Variants in DNAH9 observed in about 807,000 individuals in gnomAD.
DNAH9 encodes DNAH9 variant protein.
A neutral mutation model predicts 471.6 loss-of-function variants in DNAH9; 345 were observed. The observed-to-expected ratio is 0.73, with a 90% CI of 0.67 to 0.80. DNAH9 has a LOEUF of 0.80. Among genes scored for constraint, DNAH9 ranks in the 30% least tolerant of loss-of-function variants. The probability of loss-of-function intolerance (pLI) is 0.00; values close to 1 mark genes in which losing one functional copy is unlikely to be tolerated. For synonymous variants in DNAH9, 2,093 were observed against 2,123.6 expected, an observed-to-expected ratio of 0.99 and a Z score of 0.40; for missense variants, 5,407 against 5,609.2, an observed-to-expected ratio of 0.96 and a Z score of 1.15.
chr17:11,620,906 A>AAAT (rs1213890912), intron 6 of DNAH9, among the ~76,000 whole-genome samples: 1 of 152,204 alleles, frequency 6.6e-6, no homozygotes, highest in African/African-American at 2.4e-5. Flanking sequence ...ATTTAAAAAT[A>AAAT]AATATGGATT....
intron 50 of DNAH9, among the ~76,000 whole-genome samples, chr17:11,864,041 A>C (rs1971954032): frequency 6.6e-6 from 1 of 150,866 alleles, no homozygotes; most frequent in African/African-American, 2.4e-5. Flanking sequence ...CTCTGATTTT[A>C]GTTATTTCTT....
chr17:11,639,780 C>T (rs1179490184), intron 9 of DNAH9, among the ~76,000 whole-genome samples: 1 of 152,048 alleles, frequency 6.6e-6, no homozygotes, highest in Non-Finnish European at 1.5e-5. Context: ...GGGATTGAGG[C>T]GGGTGGATCA....
chr17:11,883,377 T>C (rs1290715876), intron 55 of DNAH9, among the ~76,000 whole-genome samples: 1 of 152,046 alleles, frequency 6.6e-6, no homozygotes, highest in Non-Finnish European at 1.5e-5. Flanking sequence ...GTAAAGAGGG[T>C]AAACTGGCTC....
At position 11,632,118 on chromosome 17, in the gene DNAH9, T is replaced by G. The variant is rs556102826; in HGVS notation, c.1519-469T>G. On this transcript the variant is annotated intron_variant, in intron 7 of 68. Coordinates refer to ENST00000262442, the MANE Select transcript of DNAH9 (RefSeq NM_001372.4). ...AGAAGGATTTAGAAGAAATTGTTTG[T>G]ATTAGTTTAATTAGCTTTCTTTCCT... Among the ~76,000 whole-genome samples, 46 of 152,372 alleles carry G rather than the reference T, an allele frequency of 3.0e-4. No individual in the cohort carries two copies. The South Asian group carries it at 9.3e-3, about 31-fold the overall frequency.
chr17:11,822,404 C>G, intron 46 of DNAH9, 34 bp from the exon 47 acceptor site: 1 of 1,612,632 alleles, frequency 6.2e-7, no homozygotes, highest in Non-Finnish European at 8.5e-7. Flanking sequence ...TCTCTGATGC[C>G]TTCCTGGTTC....
At chr17:11,737,215 C>A (rs149327008) in intron 28 of DNAH9, among the ~76,000 whole-genome samples, 237 of 152,310 alleles carry the variant, frequency 1.6e-3, no homozygotes, top group African/African-American at 5.2e-3. Context: ...CAGTCATTAG[C>A]GCTTCACTCT....
intron 44 of DNAH9, 137 bp from the exon 45 acceptor site, chr17:11,810,109 C>G (rs1969835224): frequency 2.8e-6 from 3 of 1,090,470 alleles, no homozygotes; most frequent in South Asian, 3.4e-5. Flanking sequence ...TAGCCCTCCC[C>G]CAGCTTCCCA....
At chr17:11,628,620 A>G (rs2073011090) in intron 6 of DNAH9, among the ~76,000 whole-genome samples, 1 of 152,226 alleles carries the variant, frequency 6.6e-6, no homozygotes, top group Admixed American at 6.5e-5. Context: ...GACAAGTTGC[A>G]AAGAAGGCCG....
chr17:11,716,080 C>CTT (rs2074956110), intron 26 of DNAH9, among the ~76,000 whole-genome samples: 1 of 137,874 alleles, frequency 7.3e-6, no homozygotes, highest in African/African-American at 3.0e-5. Flanking sequence ...CTTTTTCTTT[C>CTT]TCTTTTTTTT....
rs115671699 is a variant in DNAH9 at position 11,925,063 on chromosome 17, T to G, written c.11877+1122T>G. 3.8e-3 allele frequency: 1,518 copies of G among 398,590 alleles called. 22 individuals are homozygous for G. Among genetic ancestry groups the G allele is most frequent in the African/African-American group, 0.028 (1,364 of 48,022 alleles). 24.7% of individuals were successfully genotyped at this position (398,590 alleles called of 1,614,324 possible). On this transcript the variant is annotated intron_variant, in intron 62 of 68. Transcript: ENST00000262442. ...TGTGGCAGAATGCATAGCTTGCTCC[T>G]CTTTTCTCCTAGAACATTTTGAAAT...
chr17:11,822,170 G>T, intron 46 of DNAH9, 108 bp downstream of exon 46: 1 of 1,319,376 alleles, frequency 7.6e-7, no homozygotes, highest in Non-Finnish European at 1.0e-6. Context: ...AGAGTAGGTG[G>T]TGAGTGTGCG....
intron 9 of DNAH9, among the ~76,000 whole-genome samples, chr17:11,639,545 A>G (rs1465010577): frequency 6.6e-6 from 1 of 152,190 alleles, no homozygotes; most frequent in African/African-American, 2.4e-5. Flanking sequence ...TGCCTCATTC[A>G]TCATCTTATG....
chr17:11,740,480 G>A (rs1335782240), intron 29 of DNAH9, among the ~76,000 whole-genome samples: 2 of 152,114 alleles, frequency 1.3e-5, no homozygotes, highest in African/African-American at 2.4e-5. Context: ...GAAAGAGGAT[G>A]AGCTAGCTCT....
At chr17:11,705,318 A>AG in intron 26 of DNAH9, 133 bp downstream of exon 26, 1 of 725,960 alleles carries the variant, frequency 1.4e-6, no homozygotes. Flanking sequence ...GACTCAACAC[A>AG]GCCTGTTTAA....
intron 17 of DNAH9, among the ~76,000 whole-genome samples, chr17:11,671,759 T>G (rs1381560809): frequency 6.6e-6 from 1 of 152,182 alleles, no homozygotes; most frequent in Non-Finnish European, 1.5e-5. Context: ...CAAAAACACA[T>G]GGTTGATACA....
rs1973461647 is a variant in DNAH9, at chr17:11,902,915, A to G, written c.11600+3A>G. The G allele has an allele frequency of 6.2e-7, 1 of 1,611,818 alleles. No homozygotes were observed. The highest frequency in any genetic ancestry group is 1.3e-5 in the African/African-American group (1 of 74,854). Reference sequence around the variant, plus strand: ...GACCGGATGACCTATGCTTTGCGGTAGGAAACAGGGTGGTGGAAGGCCCAG... The same window carrying G: ...GACCGGATGACCTATGCTTTGCGGTGGGAAACAGGGTGGTGGAAGGCCCAG... On this transcript the variant is annotated splice_donor_region_variant and intron_variant, in intron 60 of 68. Coordinates refer to ENST00000262442, the MANE Select transcript of DNAH9 (RefSeq NM_001372.4).
chr17:11,774,449 G>A (rs1368332695), intron 38 of DNAH9, among the ~76,000 whole-genome samples: 1 of 152,140 alleles, frequency 6.6e-6, no homozygotes, highest in Non-Finnish European at 1.5e-5. Flanking sequence ...ATATGACTGG[G>A]GAAGCCTCAC....
At position 11,626,571 on chromosome 17, in the gene DNAH9, A is replaced by G. The variant is rs970565871; in HGVS notation, c.1351-2846A>G. ...TTTTTATTAAGTGAAACCACAGGAA[A>G]TGGCCATTTTTTAGGTCGAAATGAT... On this transcript the variant is annotated intron_variant, in intron 6 of 68. Transcript: ENST00000262442. The surrounding 1 kb of genome is among the most constrained non-coding windows in gnomAD (Gnocchi z 4.3). 6.6e-6 allele frequency among the ~76,000 whole-genome samples: 1 copy of G among 152,148 alleles called. No individual in the cohort carries two copies. Among genetic ancestry groups the G allele is most frequent in the Non-Finnish European group, 1.5e-5 (1 of 68,040 alleles).
chr17:11,683,968 G>C (rs2074186899), intron 19 of DNAH9, among the ~76,000 whole-genome samples: 1 of 152,166 alleles, frequency 6.6e-6, no homozygotes, highest in Admixed American at 6.5e-5. Context: ...TTAGTTTGGT[G>C]TGTGTGAGTG....
Sources: gnomAD v4.1 joint callset for allele counts (sites outside exome capture counted in the v4.1 genomes callset) on GRCh38, gnomAD v4.1.1 for gene constraint, Gnocchi (gnomAD v3.1) non-coding constraint, MANE v1.5 for transcripts, NCBI Gene and HGNC (gene_info 2026-07-23, HGNC 2026-07-21) for gene names.